The following PRKN variants were observed in gnomAD, a reference collection of about 807,000 sequenced individuals.
PRKN encodes parkin RBR E3 ubiquitin protein ligase.
Under a neutral mutation model 59.5 loss-of-function variants are expected in PRKN, and 56 were observed. The observed-to-expected ratio is 0.94, with a 90% CI of 0.76 to 1.18. The LOEUF (loss-of-function observed/expected upper bound fraction) is 1.18. Ranked by LOEUF, PRKN falls within the 50% of genes most tolerant of loss-of-function variation. PRKN has a pLI of 0.00. For missense variants in PRKN, 657 were observed against 596.4 expected (o/e 1.10, Z -1.06); for synonymous variants, 250 against 222.1 (o/e 1.13, Z -1.12).
chr6:162,564,900 A>C (rs2128207080), intron 1 of PRKN, among the ~76,000 whole-genome samples: 1 of 152,246 alleles, frequency 6.6e-6, no homozygotes, highest in Admixed American at 6.5e-5. Context: ...AATGAGCAAT[A>C]AATAATCACC....
intron 5 of PRKN, among the ~76,000 whole-genome samples, chr6:162,017,803 T>C (rs571490399): frequency 5.9e-5 from 9 of 152,292 alleles, no homozygotes; most frequent in African/African-American, 2.2e-4. Flanking sequence ...CTTAACCTTT[T>C]CTGTCACTTA....
At chr6:162,667,980 A>G (rs142474339) in intron 1 of PRKN, among the ~76,000 whole-genome samples, 1 of 152,186 alleles carries the variant, frequency 6.6e-6, no homozygotes, top group African/African-American at 2.4e-5. Context: ...CTTATTTTCA[A>G]ATAGATAACT....
chr6:162,383,510 C>T (rs903259198), intron 2 of PRKN, among the ~76,000 whole-genome samples: 1 of 152,062 alleles, frequency 6.6e-6, no homozygotes, highest in Admixed American at 6.6e-5. Flanking sequence ...CTCGAGTATG[C>T]CCTAAACACA....
chr6:161,418,022 A>G (rs1219484685), intron 9 of PRKN, among the ~76,000 whole-genome samples: 1 of 152,242 alleles, frequency 6.6e-6, no homozygotes, highest in Non-Finnish European at 1.5e-5. Context: ...GCCTGGCAGT[A>G]TCACAGCGCA....
intron 2 of PRKN, among the ~76,000 whole-genome samples, chr6:162,368,133 C>T (rs189843268): frequency 2.0e-5 from 3 of 152,244 alleles, no homozygotes; most frequent in South Asian, 2.1e-4. Context: ...AGTTTCCTCC[C>T]GAGCCAAGCA....
intron 4 of PRKN, among the ~76,000 whole-genome samples, chr6:162,163,360 G>C (rs1782842248): frequency 6.7e-6 from 1 of 149,634 alleles, no homozygotes; most frequent in African/African-American, 2.5e-5. Context: ...TGTGTAACCA[G>C]TTACAAAGCC....
chr6:162,432,470 G>T (rs556247773), intron 2 of PRKN, among the ~76,000 whole-genome samples: 26 of 152,122 alleles, frequency 1.7e-4, no homozygotes, highest in Non-Finnish European at 3.2e-4. Flanking sequence ...AGACTGCAGT[G>T]AGCTGAGTTC....
chr6:162,067,721 G>A (rs1778396919), intron 4 of PRKN, among the ~76,000 whole-genome samples: 1 of 152,106 alleles, frequency 6.6e-6, no homozygotes, highest in South Asian at 2.1e-4. Context: ...AATACCATAT[G>A]TACACCTCAT....
At chr6:161,752,167 C>T (rs529318392) in intron 7 of PRKN, among the ~76,000 whole-genome samples, 1 of 151,710 alleles carries the variant, frequency 6.6e-6, no homozygotes, top group South Asian at 2.1e-4. Context: ...GTCAAGAGAT[C>T]GAGACCATCC....
chr6:161,876,205 C>T lies in PRKN; in HGVS notation c.735-90297G>A, dbSNP rs150679854. Among the ~76,000 whole-genome samples the T allele has an allele frequency of 3.7e-3, 567 of 152,280 alleles. 6 individuals are homozygous for T. Among genetic ancestry groups the T allele is most frequent in the African/African-American group, 0.013 (528 of 41,554 alleles). On this transcript the variant is annotated intron_variant, in intron 6 of 11. Transcript: ENST00000366898. ...AGCCATATTGATTATTACACTGCTTCTTCTGGGTACTTAAACTATATTACT... is the reference window on the plus strand; with the variant it reads ...AGCCATATTGATTATTACACTGCTTTTTCTGGGTACTTAAACTATATTACT...
At chr6:161,669,782 T>G (rs899998862) in intron 7 of PRKN, among the ~76,000 whole-genome samples, 16 of 152,218 alleles carry the variant, frequency 1.1e-4, no homozygotes, top group African/African-American at 9.6e-5. Flanking sequence ...GTGAGGAGCC[T>G]CCATCTATTA....
intron 1 of PRKN, among the ~76,000 whole-genome samples, chr6:162,552,982 G>A (rs139980545): frequency 1.6e-3 from 244 of 152,238 alleles, no homozygotes; most frequent in Admixed American, 4.6e-3. Context: ...AAGAACAAAC[G>A]AGAGGAGCAT....
intron 2 of PRKN, among the ~76,000 whole-genome samples, chr6:162,338,648 G>T (rs1290280140): frequency 3.3e-5 from 5 of 152,228 alleles, no homozygotes; most frequent in African/African-American, 9.6e-5. Flanking sequence ...AAAGTGCCGA[G>T]ATTGCAGCCT....
intron 6 of PRKN, among the ~76,000 whole-genome samples, chr6:161,954,190 A>G (rs1343698999): frequency 6.6e-6 from 1 of 152,208 alleles, no homozygotes; most frequent in Non-Finnish European, 1.5e-5. Flanking sequence ...CGTAGCTTCT[A>G]TAATACATCG....
At chr6:161,744,278 G>A (rs896897711) in intron 7 of PRKN, among the ~76,000 whole-genome samples, 2 of 151,144 alleles carry the variant, frequency 1.3e-5, no homozygotes, top group African/African-American at 4.9e-5. Flanking sequence ...CATACATGCA[G>A]CACAGATGTG....
At chr6:161,871,770 GT>G (rs1794350452) in intron 6 of PRKN, among the ~76,000 whole-genome samples, 1 of 152,078 alleles carries the variant, frequency 6.6e-6, no homozygotes. Flanking sequence ...TCAAACATGG[GT>G]TTTAAGCATG....
intron 7 of PRKN, among the ~76,000 whole-genome samples, chr6:161,586,714 C>T (rs1326800491): frequency 2.0e-5 from 3 of 152,258 alleles, no homozygotes; most frequent in East Asian, 3.9e-4. Context: ...GAACGGAAGC[C>T]ATCTTCCTCA....
At chr6:161,671,702 C>T (rs1406668100) in intron 7 of PRKN, among the ~76,000 whole-genome samples, 3 of 152,096 alleles carry the variant, frequency 2.0e-5, no homozygotes, top group East Asian at 1.9e-4. Context: ...AAAAGATTAT[C>T]GTTTTGTATA....
chr6:162,386,154 G>C (rs1786794073), intron 2 of PRKN, among the ~76,000 whole-genome samples: 1 of 152,124 alleles, frequency 6.6e-6, no homozygotes, highest in African/African-American at 2.4e-5. Flanking sequence ...CATGCATGGG[G>C]ACTACAGTTA....
Sources: allele counts gnomAD v4.1 joint callset (sites outside exome capture counted in the v4.1 genomes callset), GRCh38; gene constraint gnomAD v4.1.1; transcripts MANE v1.5; gene names NCBI Gene and HGNC (gene_info 2026-07-23, HGNC 2026-07-21).